Variants in DRICH1 observed in about 807,000 individuals in gnomAD.
DRICH1 encodes the protein aspartate rich 1.
In DRICH1, 38 loss-of-function variants were observed where a neutral mutation model predicts 39.5. The ratio of observed to expected loss-of-function variants is 0.96; its 90% confidence interval spans 0.74 to 1.26. The LOEUF is 1.26. Among genes scored for constraint, DRICH1 ranks in the 50% most tolerant of loss-of-function variants. The pLI is 0.00. For synonymous variants in DRICH1, 84 were observed against 99.5 expected, an observed-to-expected ratio of 0.84 and a Z score of 0.93; for missense variants, 279 against 270.4, an observed-to-expected ratio of 1.03 and a Z score of -0.22.
At chr22:23,605,770 A>G (rs138326182), downstream of DRICH1, among the ~76,000 whole-genome samples, 24 of 152,276 alleles carry the variant, frequency 1.6e-4, no homozygotes, top group East Asian at 4.1e-3. Context: ...TTTTAATATG[A>G]TATTTAAAAA....
Position 23,624,909 on chromosome 22 carries a change from A to C in DRICH1, c.277-5T>G, listed in dbSNP as rs1927970187. On this transcript the variant is annotated splice_region_variant and splice_polypyrimidine_tract_variant and intron_variant, in intron 2 of 11. Coordinates refer to ENST00000317749, the MANE Select transcript of DRICH1 (RefSeq NM_016449.4). ...CTGGACAGGTGATGGTAAAATCTGC[A>C]ATGAGACAAAAGAAGATGCTATGAG... The C allele has an allele frequency of 6.2e-7, 1 of 1,613,412 alleles. No individual in the cohort carries two copies. Among genetic ancestry groups the C allele is most frequent in the African/African-American group, 1.3e-5 (1 of 75,038 alleles).
Position 23,626,060 on chromosome 22 carries a change from C to G in DRICH1, c.209-12G>C. On this transcript the variant is annotated splice_polypyrimidine_tract_variant and intron_variant, in intron 1 of 11. Coordinates refer to ENST00000317749, the MANE Select transcript of DRICH1 (RefSeq NM_016449.4). Reference sequence around the variant, plus strand: ...GTCCTCAGGGGGACCTAAAAGGACACAGAGTTAATGTCAGTGCCCTGGTGG... The same window carrying G: ...GTCCTCAGGGGGACCTAAAAGGACAGAGAGTTAATGTCAGTGCCCTGGTGG... 1 of 1,605,278 alleles carries G rather than the reference C, an allele frequency of 6.2e-7. No homozygotes were observed. The highest frequency in any genetic ancestry group is 1.1e-5 in the South Asian group (1 of 90,620).
At chr22:23,618,631 C>T (rs1427409431) in intron 6 of DRICH1, among the ~76,000 whole-genome samples, 2 of 152,092 alleles carry the variant, frequency 1.3e-5, no homozygotes, top group African/African-American at 4.8e-5. Context: ...ACAGGCCAAG[C>T]TCACAGAGCC....
chr22:23,602,731 G>T, the DRICH1 span, among the ~76,000 whole-genome samples: 1 of 151,904 alleles, frequency 6.6e-6, no homozygotes, highest in Non-Finnish European at 1.5e-5. Flanking sequence ...GAAATATTCT[G>T]TATTTCAATT....
chr22:23,618,113 C>CTTT (rs368348650), intron 6 of DRICH1, among the ~76,000 whole-genome samples: 21 of 127,328 alleles, frequency 1.6e-4, no homozygotes, highest in Non-Finnish European at 2.3e-4. Context: ...ATCACACATT[C>CTTT]TTTTTTTTTT....
the DRICH1 span, among the ~76,000 whole-genome samples, chr22:23,595,786 C>A: frequency 0.023 from 3,548 of 152,172 alleles, 149 homozygotes; most frequent in African/African-American, 0.082. Context: ...ATCCATAGCT[C>A]CTTCTCCTCC....
chr22:23,601,018 C>T, the DRICH1 span, among the ~76,000 whole-genome samples: 1 of 152,150 alleles, frequency 6.6e-6, no homozygotes, highest in African/African-American at 2.4e-5. Context: ...GCAAACTCTA[C>T]TCCTAGGTTT....
At position 23,632,045 on chromosome 22, in the gene DRICH1, A is replaced by G; in HGVS notation, c.-22T>C. Reference sequence around the variant, plus strand: ...CCATGGGGCCTCTCCATGCCTCTCCACTCCTGCCTCAGCCTTCAGCGAAAT... The same window carrying G: ...CCATGGGGCCTCTCCATGCCTCTCCGCTCCTGCCTCAGCCTTCAGCGAAAT... On this transcript the variant is annotated 5_prime_UTR_variant, in exon 1 of 12. Transcript: ENST00000317749. 6.2e-7 allele frequency: 1 copy of G among 1,611,276 alleles called. No homozygotes were observed. Among genetic ancestry groups the G allele is most frequent in the Non-Finnish European group, 8.5e-7 (1 of 1,179,370 alleles).
chr22:23,596,777 C>T, the DRICH1 span, among the ~76,000 whole-genome samples: 7,221 of 152,214 alleles, frequency 0.047, 583 homozygotes, highest in African/African-American at 0.16. Flanking sequence ...GTTTCATGGT[C>T]TAATACATGG....
chr22:23,623,940 A>C, intron 3 of DRICH1: 1 of 619,094 alleles, frequency 1.6e-6, no homozygotes, highest in Non-Finnish European at 1.8e-6. Flanking sequence ...TATTCTCAAC[A>C]GAATGCTGAC....
intron 1 of DRICH1, 117 bp downstream of exon 1, chr22:23,631,699 G>A: frequency 1.2e-6 from 1 of 867,860 alleles, no homozygotes; most frequent in Non-Finnish European, 1.8e-6. Flanking sequence ...TGGGAAAGCT[G>A]GCTATGGACA....
At position 23,624,203 on chromosome 22, in the gene DRICH1, CAGA is replaced by C. The variant is rs1245399931; in HGVS notation, c.298+677_298+679del. On this transcript the variant is annotated intron_variant, in intron 3 of 11. Transcript: ENST00000317749. ...TTTCTCCTATGCATCTGGCACACCGCAGAAGAATTCTGTCTCCAGGAGTGAGTA... is the reference window on the plus strand; with the variant it reads ...TTTCTCCTATGCATCTGGCACACCGCAGAATTCTGTCTCCAGGAGTGAGTA... 5.1e-6 allele frequency: 5 copies of C among 985,410 alleles called. No individual in the cohort carries two copies. The East Asian group carries it at 5.7e-4, about 112-fold the overall frequency. The allele number at this position is 985,410 out of a possible 1,614,324, so 61.0% of individuals were successfully genotyped here.
chr22:23,605,868 G>C (rs796366003), downstream of DRICH1, among the ~76,000 whole-genome samples: 1 of 152,160 alleles, frequency 6.6e-6, no homozygotes, highest in South Asian at 2.1e-4. Flanking sequence ...ATAACTTGAG[G>C]TCAGGAGTTC....
intron 3 of DRICH1, chr22:23,623,835 T>G: frequency 3.5e-6 from 2 of 570,910 alleles, no homozygotes; most frequent in Non-Finnish European, 4.4e-6. Flanking sequence ...CAGAATTAAA[T>G]GCACACATAC....
intron 1 of DRICH1, among the ~76,000 whole-genome samples, chr22:23,627,023 A>G (rs1187541989): frequency 6.6e-6 from 1 of 151,790 alleles, no homozygotes; most frequent in Non-Finnish European, 1.5e-5. Flanking sequence ...TCATTAACAT[A>G]AGGCTGATGG....
At chr22:23,593,980 A>AAAAAAAAAAAG in the DRICH1 span, among the ~76,000 whole-genome samples, 26,365 of 136,494 alleles carry the variant, frequency 0.19, 2,994 homozygotes, top group Middle Eastern at 0.27. Context: ...TCTGTCTCAA[A>AAAAAAAAAAAG]AAAAAAAAAA....
At chr22:23,586,227 G>A in the DRICH1 span, among the ~76,000 whole-genome samples, 2,227 of 152,260 alleles carry the variant, frequency 0.015, 59 homozygotes, top group African/African-American at 0.051. Context: ...GGTAGCTTAC[G>A]CCTGTAATCC....
At chr22:23,622,471 C>T (rs1023938098) in intron 3 of DRICH1, among the ~76,000 whole-genome samples, 2 of 152,092 alleles carry the variant, frequency 1.3e-5, no homozygotes, top group African/African-American at 4.8e-5. Flanking sequence ...TCCTACCTCT[C>T]AAATGTTTTG....
rs754794289 is a variant in DRICH1 at position 23,619,418 on chromosome 22, C to T, written c.407-25G>A. The stretch of plus-strand genomic sequence containing the variant: ...CCTGCGGAGAAATGGAAAAGTTAAT[C>T]TAAGACTTTAAGGAATCTCTATGTG... On this transcript the variant is annotated intron_variant, in intron 5 of 11. Coordinates refer to ENST00000317749, the MANE Select transcript of DRICH1 (RefSeq NM_016449.4). 7 of 779,550 alleles carry T rather than the reference C, an allele frequency of 9.0e-6. No homozygotes were observed. The Admixed American group carries it at 1.0e-4, about 11-fold the overall frequency. The allele number at this position is 779,550 out of a possible 1,614,324, so 48.3% of individuals were successfully genotyped here. A position where few individuals can be genotyped will look rare whatever the true frequency, so the allele number is the denominator to read the frequency against.
Sources: gnomAD v4.1 joint callset for allele counts (sites outside exome capture counted in the v4.1 genomes callset) on GRCh38, gnomAD v4.1.1 for gene constraint, MANE v1.5 for transcripts, NCBI Gene and HGNC (gene_info 2026-07-23, HGNC 2026-07-21) for gene names.